DLC1: variants seen among roughly 807,000 people sequenced by gnomAD.
The protein encoded by DLC1 is rho GTPase-activating protein 7.
Under a neutral mutation model 140.3 loss-of-function variants are expected in DLC1, and 54 were observed. The ratio of observed to expected loss-of-function variants is 0.38; its 90% CI spans 0.31 to 0.48. The LOEUF is 0.48. DLC1 is among the 20% of genes least tolerant of loss of function. DLC1 has a pLI of 0.96. For missense variants in DLC1, 2,536 were observed against 1,907.0 expected (o/e 1.33, Z -6.14); for synonymous variants, 986 against 728.1 (o/e 1.35, Z -5.70).
intron 1 of DLC1, among the ~76,000 whole-genome samples, chr8:13,572,835 C>G (rs914024475): frequency 1.3e-5 from 2 of 152,090 alleles, no homozygotes; most frequent in Non-Finnish European, 2.9e-5. Flanking sequence ...TTCCATTGGT[C>G]TCTGTGTCTG....
At chr8:13,324,457 A>C (rs113307040) in intron 4 of DLC1, among the ~76,000 whole-genome samples, 2,326 of 151,888 alleles carry the variant, frequency 0.015, 60 homozygotes, top group African/African-American at 0.053. Context: ...AGTCCCAGCT[A>C]CTCGGGAGGC....
intron 4 of DLC1, among the ~76,000 whole-genome samples, chr8:13,368,915 C>G (rs1835610721): frequency 6.6e-6 from 1 of 152,112 alleles, no homozygotes; most frequent in Admixed American, 6.5e-5. Context: ...CCTCTGCCTC[C>G]TGGTTTCAAG....
intron 5 of DLC1, among the ~76,000 whole-genome samples, chr8:13,294,086 A>G (rs1463267306): frequency 3.9e-5 from 6 of 152,160 alleles, no homozygotes; most frequent in Admixed American, 2.6e-4. Context: ...CTATGCGGAA[A>G]ACCCCCTGTG....
intron 5 of DLC1, among the ~76,000 whole-genome samples, chr8:13,230,650 G>T (rs574522692): frequency 6.8e-6 from 1 of 147,398 alleles, no homozygotes; most frequent in South Asian, 2.1e-4. Context: ...AGGCTGGAGT[G>T]TAGTGGTGTG....
chr8:13,599,441 G>A lies in DLC1; in HGVS notation c.-126+5096C>T, dbSNP rs148818059. On this transcript the variant is annotated intron_variant, in intron 1 of 1. Transcript: ENST00000631382. ...ATTAAAAAGGATGTTAGGATGAAGTGGTTCTTTCTAACATTTTTGTGTTAG... is the reference window on the plus strand; with the variant it reads ...ATTAAAAAGGATGTTAGGATGAAGTAGTTCTTTCTAACATTTTTGTGTTAG... Among the ~76,000 whole-genome samples the A allele has an allele frequency of 2.0e-5, 3 of 151,980 alleles. No homozygotes were observed. In the East Asian group the frequency reaches 5.8e-4, roughly 29 times the overall value.
rs558330608 is a variant in DLC1, at chr8:13,088,714, G to C, written c.4075-10C>G. 1.9e-6 allele frequency: 3 copies of C among 1,613,518 alleles called. No individual in the cohort carries two copies. Among genetic ancestry groups the C allele is most frequent in the Non-Finnish European group, 2.5e-6 (3 of 1,179,782 alleles). ...GGGGTCCTTCGCTCACCTGGAAAGA[G>C]GATGTATTTTTCAGTGCCAAGGCAA... is the stretch of plus-strand genomic sequence containing the variant. On this transcript the variant is annotated splice_polypyrimidine_tract_variant and intron_variant, in intron 15 of 17. Coordinates refer to ENST00000276297, the MANE Select transcript of DLC1 (RefSeq NM_182643.3).
At chr8:13,491,605 C>T (rs1298516162) in intron 2 of DLC1, among the ~76,000 whole-genome samples, 2 of 152,144 alleles carry the variant, frequency 1.3e-5, no homozygotes, top group Admixed American at 6.6e-5. Context: ...TACTACTCAT[C>T]GTTTGCTATT....
chr8:13,264,350 G>A (rs1008390670), intron 5 of DLC1, among the ~76,000 whole-genome samples: 4 of 152,048 alleles, frequency 2.6e-5, no homozygotes, highest in Non-Finnish European at 5.9e-5. Flanking sequence ...TGGGATTACG[G>A]GTGTCAGCTA....
At chr8:13,421,656 A>G (rs1585080007) in intron 2 of DLC1, among the ~76,000 whole-genome samples, 2 of 152,258 alleles carry the variant, frequency 1.3e-5, no homozygotes, top group South Asian at 2.1e-4. Context: ...TTGTGGTATA[A>G]TATTTCTGAG....
chr8:13,468,842 GA>G (rs1800073257), intron 2 of DLC1, among the ~76,000 whole-genome samples: 1 of 62,108 alleles, frequency 1.6e-5, no homozygotes, highest in African/African-American at 5.6e-5. Flanking sequence ...TTTTTTTTAA[GA>G]TGGAGTCTCG....
intron 4 of DLC1, among the ~76,000 whole-genome samples, chr8:13,317,320 AT>A (rs1325373747): frequency 6.6e-6 from 1 of 152,218 alleles, no homozygotes; most frequent in Non-Finnish European, 1.5e-5. Context: ...TTCAATACTA[AT>A]TTTTTCTAGA....
intron 1 of DLC1, among the ~76,000 whole-genome samples, chr8:13,537,031 A>G (rs1204735864): frequency 6.6e-6 from 1 of 152,176 alleles, no homozygotes. Flanking sequence ...AGGATCTATA[A>G]AAACTGGGAT....
intron 1 of DLC1, among the ~76,000 whole-genome samples, chr8:13,569,986 C>T (rs894559666): frequency 2.0e-5 from 3 of 152,198 alleles, no homozygotes; most frequent in African/African-American, 7.2e-5. Flanking sequence ...TCAGCCTTCC[C>T]AAGTGCTGGG....
At chr8:13,300,507 C>G (rs1397622456) in intron 5 of DLC1, among the ~76,000 whole-genome samples, 1 of 152,156 alleles carries the variant, frequency 6.6e-6, no homozygotes, top group Non-Finnish European at 1.5e-5. Flanking sequence ...TCCCCCTCCC[C>G]CAGTCTCCTG....
intron 5 of DLC1, chr8:13,160,253 C>A (rs1037860077): frequency 3.3e-5 from 5 of 152,210 alleles, no homozygotes; most frequent in African/African-American, 1.2e-4. Context: ...CTTCTCCACG[C>A]CCGCTGCTTC....
rs142718239 is a variant in DLC1, at chr8:13,572,088, A to AT, written c.-126+32448dup. ...ATTGAGTTTCAGGATTATTATTATT[A>AT]TTATTTATTTTTTTTTTTTGAGATG... On this transcript the variant is annotated intron_variant, in intron 1 of 1. Coordinates refer to the DLC1 transcript ENST00000631382. Among the ~76,000 whole-genome samples the AT allele has an allele frequency of 6.1e-3, 372 of 60,612 alleles. 1 individual carries two copies. Among genetic ancestry groups the AT allele is most frequent in the South Asian group, 0.016 (22 of 1,346 alleles). 39.8% of individuals were successfully genotyped at this position (60,612 alleles called of 152,430 possible). A position where few individuals can be genotyped will look rare whatever the true frequency, so the allele number is the denominator to read the frequency against.
chr8:13,229,554 G>A (rs2583096), intron 5 of DLC1, among the ~76,000 whole-genome samples: 67,092 of 151,708 alleles, frequency 0.44, 15,469 homozygotes, highest in East Asian at 0.79. Flanking sequence ...ATCAAATTGT[G>A]TACTTGAAAT....
At position 13,328,187 on chromosome 8, in the gene DLC1, T is replaced by C. The variant is rs758943872; in HGVS notation, c.1315-22885A>G. ...TTAAGTAGATAAATGATGTGATTTG[T>C]GGTTTCAAAAGATCTCTGTGGCTCC... On this transcript the variant is annotated intron_variant, in intron 4 of 17. Coordinates refer to ENST00000276297, the MANE Select transcript of DLC1 (RefSeq NM_182643.3). Among the ~76,000 whole-genome samples the C allele has an allele frequency of 4.0e-4, 61 of 152,218 alleles. 1 individual carries two copies. The Middle Eastern group carries it at 0.024, about 59-fold the overall frequency.
chr8:13,272,559 C>G (rs1487164461), intron 5 of DLC1, among the ~76,000 whole-genome samples: 1 of 152,026 alleles, frequency 6.6e-6, no homozygotes, highest in African/African-American at 2.4e-5. Flanking sequence ...CACACAATAC[C>G]TTTAAAAATA....
Sources: gnomAD v4.1 joint callset for allele counts (sites outside exome capture counted in the v4.1 genomes callset) on GRCh38, gnomAD v4.1.1 for gene constraint, MANE v1.5 for transcripts, NCBI Gene and HGNC (gene_info 2026-07-23, HGNC 2026-07-21) for gene names.